GRIK1: variants seen among roughly 807,000 people sequenced by gnomAD.
GRIK1 encodes the protein glutamate ionotropic receptor kainate type subunit 1, also known as glutamate receptor ionotropic, kainate 1.
GRIK1 carries 69 observed loss-of-function variants against 105.7 expected under a neutral mutation model. The ratio of observed to expected loss-of-function variants is 0.65; its 90% confidence interval spans 0.54 to 0.80. GRIK1 has a LOEUF of 0.80. GRIK1 is among the 30% of genes least tolerant of loss of function. The pLI is 0.00. For synonymous variants in GRIK1, 438 were observed against 431.3 expected (o/e 1.02, Z -0.19); for missense variants, 1,109 against 1,167.3 (o/e 0.95, Z 0.73).
intron 1 of GRIK1, among the ~76,000 whole-genome samples, chr21:29,764,590 A>C (rs2065610860): frequency 6.6e-6 from 1 of 152,248 alleles, no homozygotes; most frequent in Non-Finnish European, 1.5e-5. Context: ...ATAATTTTTA[A>C]ATCCAAAGTT....
intron 1 of GRIK1, among the ~76,000 whole-genome samples, chr21:29,782,598 G>C (rs1273670220): frequency 6.6e-6 from 1 of 152,196 alleles, no homozygotes; most frequent in African/African-American, 2.4e-5. Flanking sequence ...TACAGGCAGA[G>C]AGACAGGGGC....
At chr21:29,815,761 A>G (rs1433558938) in intron 1 of GRIK1, among the ~76,000 whole-genome samples, 1 of 152,122 alleles carries the variant, frequency 6.6e-6, no homozygotes, top group Non-Finnish European at 1.5e-5. Flanking sequence ...ATCACCGGTC[A>G]ATAGAGAGTG....
chr21:29,900,138 A>G (rs1219487072), intron 1 of GRIK1, among the ~76,000 whole-genome samples: 3 of 151,930 alleles, frequency 2.0e-5, no homozygotes, highest in Non-Finnish European at 4.4e-5. Flanking sequence ...GGAAGCACTA[A>G]ATATGGAAAG....
intron 1 of GRIK1, among the ~76,000 whole-genome samples, chr21:29,729,553 G>A (rs949330414): frequency 1.3e-5 from 2 of 152,160 alleles, no homozygotes; most frequent in African/African-American, 4.8e-5. Flanking sequence ...CTTGCCAGGT[G>A]AGCTTACATT....
intron 1 of GRIK1, among the ~76,000 whole-genome samples, chr21:29,824,685 G>A (rs1235214233): frequency 2.0e-5 from 3 of 151,284 alleles, no homozygotes; most frequent in African/African-American, 7.4e-5. Flanking sequence ...TGAATGTGGC[G>A]AGAAGTCATT....
intron 1 of GRIK1, among the ~76,000 whole-genome samples, chr21:29,736,038 C>T (rs1385232322): frequency 6.6e-6 from 1 of 151,980 alleles, no homozygotes; most frequent in Non-Finnish European, 1.5e-5. Flanking sequence ...GGTCTAAAGA[C>T]ATAGAAAGCA....
At chr21:29,931,908 T>G (rs776727629) in intron 1 of GRIK1, among the ~76,000 whole-genome samples, 2 of 152,194 alleles carry the variant, frequency 1.3e-5, no homozygotes, top group Non-Finnish European at 2.9e-5. Context: ...TTTTTTTGAA[T>G]TTTTAAAGGG....
chr21:29,766,417 C>A (rs533055595), intron 1 of GRIK1, among the ~76,000 whole-genome samples: 5 of 152,196 alleles, frequency 3.3e-5, no homozygotes, highest in Admixed American at 2.0e-4. Context: ...GGCAGCCCCC[C>A]ACAATGAAGA....
chr21:29,541,061 G>A (rs2089961112), intron 16 of GRIK1, among the ~76,000 whole-genome samples: 1 of 150,726 alleles, frequency 6.6e-6, no homozygotes, highest in Non-Finnish European at 1.5e-5. Context: ...TCTGTCTCCT[G>A]TGTTCAAGCG....
intron 1 of GRIK1, among the ~76,000 whole-genome samples, chr21:29,929,380 A>G (rs1281893044): frequency 6.6e-6 from 1 of 152,094 alleles, no homozygotes; most frequent in East Asian, 1.9e-4. Flanking sequence ...AATAAAAGTG[A>G]AAAAAAACTT....
At chr21:29,558,376 T>TCACACACACACACACA (rs35594883) in intron 15 of GRIK1, among the ~76,000 whole-genome samples, 2,978 of 146,978 alleles carry the variant, frequency 0.02, 43 homozygotes, top group Non-Finnish European at 0.029. Context: ...TATATATATT[T>TCACACACACACACACA]CACACACACA....
chr21:29,792,708 G>A (rs1194194746), intron 1 of GRIK1, among the ~76,000 whole-genome samples: 1 of 152,152 alleles, frequency 6.6e-6, no homozygotes, highest in Non-Finnish European at 1.5e-5. Context: ...ATGGAGTTCC[G>A]AAGGCATGGT....
chr21:29,602,584 G>A (rs2061539078), intron 7 of GRIK1, among the ~76,000 whole-genome samples: 1 of 152,142 alleles, frequency 6.6e-6, no homozygotes, highest in Non-Finnish European at 1.5e-5. Context: ...GAAAGAGTCA[G>A]CAAAAGATTC....
At chr21:29,628,741 A>G (rs534415252) in intron 7 of GRIK1, among the ~76,000 whole-genome samples, 1 of 152,328 alleles carries the variant, frequency 6.6e-6, no homozygotes, top group Admixed American at 6.5e-5. Context: ...AATTAGCTAG[A>G]TAATGTGGTC....
At chr21:29,807,116 TCAG>T (rs1569114632) in intron 1 of GRIK1, among the ~76,000 whole-genome samples, 7 of 152,178 alleles carry the variant, frequency 4.6e-5, no homozygotes, top group Non-Finnish European at 7.3e-5. Context: ...GTGTTCACAA[TCAG>T]CATGATGTCT....
intron 1 of GRIK1, among the ~76,000 whole-genome samples, chr21:29,801,830 T>C (rs1240117476): frequency 6.6e-6 from 1 of 152,204 alleles, no homozygotes; most frequent in Admixed American, 6.5e-5. Flanking sequence ...CTTTATTTCA[T>C]AAGGCAATTC....
chr21:29,832,494 C>T (rs1365510130), intron 1 of GRIK1, among the ~76,000 whole-genome samples: 1 of 152,206 alleles, frequency 6.6e-6, no homozygotes, highest in Non-Finnish European at 1.5e-5. Flanking sequence ...TAGGCAGAGG[C>T]TCTCAAGTCT....
chr21:29,846,452 G>GAGAGAGAAA (rs1472713302), intron 1 of GRIK1, among the ~76,000 whole-genome samples: 2 of 114,368 alleles, frequency 1.7e-5, no homozygotes, highest in African/African-American at 3.5e-5. Context: ...AAGGAAAGAA[G>GAGAGAGAAA]GAAAGAGAGA....
At chr21:29,588,412 G>A (rs1431679719) in intron 11 of GRIK1, among the ~76,000 whole-genome samples, 2 of 152,104 alleles carry the variant, frequency 1.3e-5, no homozygotes, top group African/African-American at 4.8e-5. Context: ...ATTGGGATCT[G>A]GTGATTATGA....
Sources: gnomAD v4.1 joint callset for allele counts (sites outside exome capture counted in the v4.1 genomes callset) on GRCh38, gnomAD v4.1.1 for gene constraint, MANE v1.5 for transcripts, NCBI Gene and HGNC (gene_info 2026-07-23, HGNC 2026-07-21) for gene names.